The following CBLB variants were observed in gnomAD, a reference collection of about 807,000 sequenced individuals.
The protein encoded by CBLB is Cbl proto-oncogene B.
In CBLB, 31 loss-of-function variants were observed where a neutral mutation model predicts 104.9. The observed-to-expected ratio is 0.30, with a 90% CI of 0.22 to 0.40. CBLB has a LOEUF of 0.40. CBLB is among the 10% of genes least tolerant of loss of function. The pLI, the probability that CBLB is intolerant of heterozygous loss-of-function variation, is 1.00. For missense variants in CBLB, 1,062 were observed against 1,214.6 expected, an observed-to-expected ratio of 0.87 and a Z score of 1.87; for synonymous variants, 440 against 422.6, an observed-to-expected ratio of 1.04 and a Z score of -0.51.
intron 2 of CBLB, among the ~76,000 whole-genome samples, chr3:105,863,737 C>A (rs1323741554): frequency 6.6e-6 from 1 of 152,162 alleles, no homozygotes; most frequent in Non-Finnish European, 1.5e-5. Context: ...GAAAAGCCTA[C>A]TGGGCATCAT....
chr3:105,717,208 G>C (rs1026042993), intron 10 of CBLB, among the ~76,000 whole-genome samples: 1 of 152,040 alleles, frequency 6.6e-6, no homozygotes, highest in Non-Finnish European at 1.5e-5. Context: ...TTAAAGCCTA[G>C]ACCTACCCTC....
intron 9 of CBLB, among the ~76,000 whole-genome samples, chr3:105,725,680 C>T (rs1457929414): frequency 6.6e-6 from 1 of 152,140 alleles, no homozygotes; most frequent in African/African-American, 2.4e-5. Context: ...CTCATTTACA[C>T]AAAAGACACA....
chr3:105,751,697 CAAT>C, intron 4 of CBLB, 79 bp from the exon 5 acceptor site: 1 of 1,014,626 alleles, frequency 9.9e-7, no homozygotes, highest in Non-Finnish European at 1.6e-6. Flanking sequence ...CAGCAAAATT[CAAT>C]AATAAAATTA....
intron 18 of CBLB, among the ~76,000 whole-genome samples, chr3:105,667,620 T>TA (rs1158475611): frequency 1.3e-5 from 2 of 152,186 alleles, no homozygotes; most frequent in Non-Finnish European, 2.9e-5. Context: ...TTGGGAGGAA[T>TA]AAACATTTAG....
intron 9 of CBLB, among the ~76,000 whole-genome samples, chr3:105,730,502 C>A (rs4894945): frequency 0.99 from 150,099 of 152,192 alleles, 74,056 homozygotes; most frequent in East Asian, 1. Context: ...GTATTTACTG[C>A]GTAATGACCA....
intron 6 of CBLB, among the ~76,000 whole-genome samples, chr3:105,741,265 T>A (rs2075541471): frequency 6.6e-6 from 1 of 152,202 alleles, no homozygotes; most frequent in Non-Finnish European, 1.5e-5. Flanking sequence ...CTCGGCTCAC[T>A]GCAACCTCCG....
intron 3 of CBLB, among the ~76,000 whole-genome samples, chr3:105,811,443 A>C (rs1194805236): frequency 6.6e-5 from 10 of 152,170 alleles, no homozygotes; most frequent in Non-Finnish European, 2.9e-5. Flanking sequence ...ACAAGTTTAT[A>C]AACTTCTATT....
At chr3:105,702,013 C>A in intron 12 of CBLB, 81 bp downstream of exon 12, 2 of 1,511,408 alleles carry the variant, frequency 1.3e-6, no homozygotes, top group Admixed American at 1.7e-5. Flanking sequence ...CAAAAAAAAA[C>A]ACTTCCCAAC....
At chr3:105,834,441 G>A (rs1213634853) in intron 3 of CBLB, among the ~76,000 whole-genome samples, 2 of 152,122 alleles carry the variant, frequency 1.3e-5, no homozygotes, top group Admixed American at 1.3e-4. Flanking sequence ...TGGATCACGA[G>A]GTCAGGAGAT....
intron 18 of CBLB, among the ~76,000 whole-genome samples, chr3:105,663,779 A>C (rs1368491051): frequency 6.6e-6 from 1 of 152,082 alleles, no homozygotes; most frequent in African/African-American, 2.4e-5. Flanking sequence ...AAACAATTTT[A>C]GATGGTAAAA....
chr3:105,707,888 T>C (rs562460421), intron 10 of CBLB, among the ~76,000 whole-genome samples: 51 of 152,278 alleles, frequency 3.3e-4, no homozygotes, highest in African/African-American at 1.1e-3. Context: ...ATCAATTCAA[T>C]GTAGACCAAA....
At position 105,708,377 on chromosome 3, in the gene CBLB, C is replaced by T. The variant is rs16851492; in HGVS notation, c.1408-4204G>A. 6.2e-3 allele frequency among the ~76,000 whole-genome samples: 938 copies of T among 152,032 alleles called. 30 individuals carry two copies. The highest frequency in any genetic ancestry group is 0.051 in the East Asian group (262 of 5,184). ...CTTCCATTGTGTATAAAAATGCAGACCAAATACATAAGTATAAAACATCTT... is the reference window on the plus strand; with the variant it reads ...CTTCCATTGTGTATAAAAATGCAGATCAAATACATAAGTATAAAACATCTT... On this transcript the variant is annotated intron_variant, in intron 10 of 18. Transcript: ENST00000394030.
chr3:105,663,992 C>T (rs981630694), intron 18 of CBLB, among the ~76,000 whole-genome samples: 1 of 150,906 alleles, frequency 6.6e-6, no homozygotes, highest in Non-Finnish European at 1.5e-5. Context: ...ATCTACATAA[C>T]CTCCATTTAA....
intron 13 of CBLB, among the ~76,000 whole-genome samples, chr3:105,689,510 TAA>T (rs892497396): frequency 1.4e-4 from 20 of 141,452 alleles, no homozygotes; most frequent in South Asian, 4.5e-4. Context: ...AAAAAATTCT[TAA>T]AAAAAAAAAA....
chr3:105,811,211 C>T (rs2084249151), intron 3 of CBLB, among the ~76,000 whole-genome samples: 1 of 152,080 alleles, frequency 6.6e-6, no homozygotes, highest in South Asian at 2.1e-4. Flanking sequence ...GTTGATAGAA[C>T]TAAATTTTTT....
chr3:105,829,266 T>A (rs2087055578), intron 3 of CBLB, among the ~76,000 whole-genome samples: 2 of 152,158 alleles, frequency 1.3e-5, no homozygotes, highest in East Asian at 3.8e-4. Flanking sequence ...ATAAACATTC[T>A]TGAATACACA....
At chr3:105,740,669 G>A (rs1172800563) in intron 6 of CBLB, 38 bp from the exon 7 acceptor site, 1 of 1,558,102 alleles carries the variant, frequency 6.4e-7, no homozygotes, top group Non-Finnish European at 8.8e-7. Flanking sequence ...ATTACATTCA[G>A]AATATAAATC....
At chr3:105,683,900 A>G (rs2120585) in intron 14 of CBLB, among the ~76,000 whole-genome samples, 37,732 of 152,142 alleles carry the variant, frequency 0.25, 4,816 homozygotes, top group Admixed American at 0.27. Context: ...ATTCAGCAGA[A>G]TGTTGATAAT....
At chr3:105,801,622 C>T (rs77351708) in intron 3 of CBLB, among the ~76,000 whole-genome samples, 10,600 of 152,288 alleles carry the variant, frequency 0.07, 556 homozygotes, top group East Asian at 0.28. Context: ...CACTGTGGTA[C>T]AGCAAACAGC....
Sources: gnomAD v4.1 joint callset for allele counts (sites outside exome capture counted in the v4.1 genomes callset) on GRCh38, gnomAD v4.1.1 for gene constraint, MANE v1.5 for transcripts, NCBI Gene and HGNC (gene_info 2026-07-23, HGNC 2026-07-21) for gene names.